Variants in SV2C observed in about 807,000 individuals in gnomAD.
SV2C encodes solute carrier family 22 member B3.
A neutral mutation model predicts 79.7 loss-of-function variants in SV2C; 49 were observed. That is an observed-to-expected ratio of 0.61 (90% CI 0.49 to 0.78). The LOEUF (loss-of-function observed/expected upper bound fraction) is 0.78, where lower values mean the gene tolerates loss of function less well. Among genes scored for constraint, SV2C ranks in the 30% least tolerant of loss-of-function variants. The pLI, the probability that SV2C is intolerant of heterozygous loss-of-function variation, is 0.00. For missense variants in SV2C, 833 were observed against 912.9 expected (o/e 0.91, Z 1.13); for synonymous variants, 334 against 333.2 (o/e 1.00, Z -0.03).
the SV2C span, among the ~76,000 whole-genome samples, chr5:76,046,019 A>G: frequency 6.6e-6 from 1 of 152,174 alleles, no homozygotes; most frequent in Non-Finnish European, 1.5e-5. Flanking sequence ...ACAGACTATG[A>G]GTCTGTAGAG....
intron 2 of SV2C, 140 bp from the exon 3 acceptor site, chr5:76,194,779 G>A: frequency 1.0e-6 from 1 of 983,602 alleles, no homozygotes; most frequent in South Asian, 1.7e-5. Context: ...ACTGATTACT[G>A]TGTCCTGAAG....
At chr5:76,269,608 A>G (rs1032256746) in intron 4 of SV2C, among the ~76,000 whole-genome samples, 1 of 152,134 alleles carries the variant, frequency 6.6e-6, no homozygotes, top group African/African-American at 2.4e-5. Context: ...GAGCCTGCCT[A>G]TCCTTTGCCA....
At chr5:76,100,143 T>C (rs1283218944) in intron 1 of SV2C, among the ~76,000 whole-genome samples, 1 of 152,222 alleles carries the variant, frequency 6.6e-6, no homozygotes, top group Admixed American at 6.5e-5. Flanking sequence ...ATCATGACCT[T>C]TTTTTAGTTC....
the SV2C span, among the ~76,000 whole-genome samples, chr5:75,935,045 T>A: frequency 6.6e-6 from 1 of 152,170 alleles, no homozygotes; most frequent in Admixed American, 6.6e-5. Flanking sequence ...ATGTTGCTAT[T>A]TTTAAAATAT....
At chr5:75,870,484 T>TA in the SV2C span, among the ~76,000 whole-genome samples, 1 of 147,040 alleles carries the variant, frequency 6.8e-6, no homozygotes, top group Admixed American at 6.9e-5. Context: ...TAAAAAAAAT[T>TA]AAAAAAAATG....
the SV2C span, among the ~76,000 whole-genome samples, chr5:75,952,949 T>C: frequency 0.017 from 2,531 of 152,130 alleles, 56 homozygotes; most frequent in African/African-American, 0.05. Context: ...CAAGTGCTTC[T>C]AGATGTATCC....
the SV2C span, among the ~76,000 whole-genome samples, chr5:76,047,169 A>G: frequency 1.3e-5 from 2 of 152,180 alleles, no homozygotes; most frequent in African/African-American, 2.4e-5. Context: ...AATGTTCACA[A>G]AGTGAACACA....
intron 2 of SV2C, among the ~76,000 whole-genome samples, chr5:76,182,918 A>AGT (rs577550259): frequency 0.031 from 4,373 of 141,180 alleles, 86 homozygotes; most frequent in East Asian, 0.064. Context: ...TGAGAGAGAG[A>AGT]GTGTGTGTGT....
intron 12 of SV2C, among the ~76,000 whole-genome samples, chr5:76,348,525 C>T (rs567586245): frequency 6.6e-6 from 1 of 152,336 alleles, no homozygotes; most frequent in Non-Finnish European, 1.5e-5. Context: ...ACTTCCAAAG[C>T]TGTACCATTT....
chr5:76,250,418 C>T (rs559917041), intron 4 of SV2C, among the ~76,000 whole-genome samples: 1 of 152,310 alleles, frequency 6.6e-6, no homozygotes, highest in African/African-American at 2.4e-5. Flanking sequence ...ATTGTTGTTG[C>T]TGTCATTTCA....
chr5:76,297,798 C>A lies in SV2C; in HGVS notation c.1503-996C>A, dbSNP rs1580044979. Among the ~76,000 whole-genome samples the A allele has an allele frequency of 2.6e-5, 4 of 152,282 alleles. No homozygotes were observed. The South Asian group carries it at 6.2e-4, about 24-fold the overall frequency. ...AAAGTACTCAATAGTTAGTAAACTG[C>A]TTTTAAATCAACCTACTTACCTAGA... On this transcript the variant is annotated intron_variant, in intron 9 of 12. Coordinates refer to ENST00000502798, the MANE Select transcript of SV2C (RefSeq NM_014979.4).
intron 1 of SV2C, among the ~76,000 whole-genome samples, chr5:76,094,094 G>GTAAATAAA (rs1201807180): frequency 2.6e-5 from 4 of 151,998 alleles, no homozygotes; most frequent in Non-Finnish European, 5.9e-5. Context: ...AAACAAACAA[G>GTAAATAAA]TAAATAAATA....
chr5:75,969,757 A>C, the SV2C span, among the ~76,000 whole-genome samples: 2 of 152,234 alleles, frequency 1.3e-5, no homozygotes, highest in South Asian at 2.1e-4. Flanking sequence ...AACATTAGAC[A>C]GATCAACGAG....
At chr5:76,214,877 T>A (rs1329588075) in intron 4 of SV2C, among the ~76,000 whole-genome samples, 5 of 152,240 alleles carry the variant, frequency 3.3e-5, no homozygotes, top group African/African-American at 9.6e-5. Context: ...TTGTATGCTG[T>A]CACGTTGCTG....
rs574200044 is a variant in SV2C at position 76,134,989 on chromosome 5, C to T, written c.580+2659C>T. ...ATGAGTAGATTACCAGTCTAGATAC[C>T]AAGTGTCAGTAGCCATAAGACAAGT... On this transcript the variant is annotated intron_variant, in intron 2 of 12. Coordinates refer to ENST00000502798, the MANE Select transcript of SV2C (RefSeq NM_014979.4). 2.0e-5 allele frequency among the ~76,000 whole-genome samples: 3 copies of T among 152,136 alleles called. No homozygotes were observed. The South Asian group carries it at 6.2e-4, about 32-fold the overall frequency.
chr5:76,174,274 TCG>T (rs1237099325), intron 2 of SV2C: 2 of 1,329,544 alleles, frequency 1.5e-6, no homozygotes, highest in East Asian at 4.7e-5. Flanking sequence ...TCCCCGCGGG[TCG>T]CTACTCTAGG....
At chr5:75,898,219 C>A in the SV2C span, among the ~76,000 whole-genome samples, 1 of 151,926 alleles carries the variant, frequency 6.6e-6, no homozygotes, top group Non-Finnish European at 1.5e-5. Context: ...CATAAATAGC[C>A]CTTATTATTT....
chr5:76,018,477 C>A, the SV2C span, among the ~76,000 whole-genome samples: 4 of 152,162 alleles, frequency 2.6e-5, no homozygotes, highest in South Asian at 8.3e-4. Context: ...ATAGAAACAT[C>A]AGCATATTTT....
chr5:76,082,394 C>T (rs1300149533), upstream of SV2C: 1 of 152,240 alleles, frequency 6.6e-6, no homozygotes, highest in Non-Finnish European at 1.5e-5. Flanking sequence ...GAGTTGGGGT[C>T]TCCTGCACGC....
Sources: gnomAD v4.1 joint callset for allele counts (sites outside exome capture counted in the v4.1 genomes callset) on GRCh38, gnomAD v4.1.1 for gene constraint, MANE v1.5 for transcripts, NCBI Gene and HGNC (gene_info 2026-07-23, HGNC 2026-07-21) for gene names.